Variants in ARHGAP6 observed in about 807,000 individuals in gnomAD.
ARHGAP6 encodes the protein Rho GTPase activating protein 6.
Under a neutral mutation model 55.7 loss-of-function variants are expected in ARHGAP6, and 16 were observed. The observed-to-expected ratio is 0.29, with a 90% CI of 0.19 to 0.44. The LOEUF is 0.44. Among genes scored for constraint, ARHGAP6 ranks in the 20% least tolerant of loss-of-function variants. The pLI is 1.00. For synonymous variants in ARHGAP6, 382 were observed against 360.9 expected (o/e 1.06, Z -0.66); for missense variants, 698 against 808.9 (o/e 0.86, Z 1.66).
intron 1 of ARHGAP6, chrX:11,300,639 A>G: frequency 8.4e-7 from 1 of 1,188,426 alleles, no homozygotes; most frequent in Non-Finnish European, 1.1e-6. Flanking sequence ...AGGGGAATGA[A>G]TACTTCAGAT....
intron 1 of ARHGAP6, among the ~76,000 whole-genome samples, chrX:11,277,171 G>A (rs1191106033): frequency 2.7e-5 from 3 of 111,691 alleles, no homozygotes; most frequent in African/African-American, 9.7e-5. Flanking sequence ...CACTTAGCAT[G>A]TTTTTGGAGT....
intron 5 of ARHGAP6, among the ~76,000 whole-genome samples, chrX:11,182,627 CCTTTT>C (rs2046329372): frequency 9.6e-6 from 1 of 104,146 alleles, no homozygotes; most frequent in Admixed American, 1.0e-4. Context: ...TCTTTTTTTT[CCTTTT>C]TTCTTTTTTT....
chrX:11,276,858 A>T (rs1353198150), intron 1 of ARHGAP6, among the ~76,000 whole-genome samples: 1 of 112,379 alleles, frequency 8.9e-6, no homozygotes, highest in Non-Finnish European at 1.9e-5. Context: ...AATAAATTAT[A>T]GTAAAATAAT....
At chrX:11,536,244 T>A (rs907052937) in intron 1 of ARHGAP6, among the ~76,000 whole-genome samples, 81 of 111,762 alleles carry the variant, frequency 7.2e-4, no homozygotes, top group Non-Finnish European at 3.4e-4. Context: ...AAGCTTTCTC[T>A]TGACTAGGGA....
At chrX:11,408,900 C>A (rs1337187615) in intron 1 of ARHGAP6, among the ~76,000 whole-genome samples, 1 of 109,745 alleles carries the variant, frequency 9.1e-6, no homozygotes, top group East Asian at 2.9e-4. Flanking sequence ...ATCACACACA[C>A]ACACACATAC....
intron 1 of ARHGAP6, among the ~76,000 whole-genome samples, chrX:11,276,152 A>C (rs151041064): frequency 9.0e-6 from 1 of 111,002 alleles, no homozygotes; most frequent in East Asian, 2.9e-4. Context: ...AATGTCAGCT[A>C]TTTTTCCAGA....
chrX:11,337,215 CAATAT>C (rs922881631), intron 1 of ARHGAP6, among the ~76,000 whole-genome samples: 7 of 110,816 alleles, frequency 6.3e-5, no homozygotes, highest in Non-Finnish European at 1.3e-4. Context: ...ATATAATATA[CAATAT>C]AATATTCAAT....
chrX:11,267,467 C>T (rs896716771), intron 1 of ARHGAP6, among the ~76,000 whole-genome samples: 9 of 111,918 alleles, frequency 8.0e-5, no homozygotes, highest in African/African-American at 1.3e-4. Context: ...ATAAGTAATG[C>T]GGCTGTCATC....
At chrX:11,272,776 T>C (rs928842263) in intron 1 of ARHGAP6, among the ~76,000 whole-genome samples, 1 of 112,068 alleles carries the variant, frequency 8.9e-6, no homozygotes, top group Non-Finnish European at 1.9e-5. Context: ...AGCTCTGCCA[T>C]AGATGTGATG....
intron 2 of ARHGAP6, among the ~76,000 whole-genome samples, chrX:11,205,106 C>T (rs2046686720): frequency 9.0e-6 from 1 of 111,587 alleles, no homozygotes; most frequent in African/African-American, 3.3e-5. Flanking sequence ...CTTATTGACA[C>T]CCAGTGTTTT....
chrX:11,275,729 C>G (rs1051277536), intron 1 of ARHGAP6, among the ~76,000 whole-genome samples: 1 of 111,631 alleles, frequency 9.0e-6, no homozygotes, highest in East Asian at 2.8e-4. Context: ...TTGGGCTTCA[C>G]CAAGCCTCAC....
At chrX:11,538,899 A>G (rs2051129939) in intron 1 of ARHGAP6, among the ~76,000 whole-genome samples, 1 of 99,480 alleles carries the variant, frequency 1.0e-5, no homozygotes. Flanking sequence ...CCCAGGCTGG[A>G]GTGCAGCTGC....
chrX:11,522,419 A>G (rs1410481372), intron 1 of ARHGAP6, among the ~76,000 whole-genome samples: 16 of 111,452 alleles, frequency 1.4e-4, no homozygotes, highest in Non-Finnish European at 3.0e-4. Flanking sequence ...GACACAAAAA[A>G]CCCTTCAAAA....
chrX:11,211,554 G>C (rs2046802347), intron 2 of ARHGAP6, among the ~76,000 whole-genome samples: 1 of 96,777 alleles, frequency 1.0e-5, no homozygotes, highest in Non-Finnish European at 2.1e-5. Context: ...TGTTGTTGTT[G>C]TTGTTTTGAG....
At chrX:11,322,938 T>A (rs2048452018) in intron 1 of ARHGAP6, among the ~76,000 whole-genome samples, 1 of 112,479 alleles carries the variant, frequency 8.9e-6, no homozygotes, top group Admixed American at 9.4e-5. Flanking sequence ...TATTATATTT[T>A]GGATAAAGGA....
chrX:11,246,434 T>A (rs113581616), intron 2 of ARHGAP6, among the ~76,000 whole-genome samples: 2,899 of 111,749 alleles, frequency 0.026, 39 homozygotes, highest in Middle Eastern at 0.074. Flanking sequence ...AGGTGATCGA[T>A]GCTCTTTAGA....
At chrX:11,314,335 G>A (rs1448036500) in intron 1 of ARHGAP6, among the ~76,000 whole-genome samples, 2 of 111,866 alleles carry the variant, frequency 1.8e-5, no homozygotes, top group Admixed American at 9.5e-5. Flanking sequence ...GGACCAGCTG[G>A]AGTCCAGTCC....
intron 10 of ARHGAP6, among the ~76,000 whole-genome samples, chrX:11,151,678 C>G (rs2045780483): frequency 1.8e-5 from 2 of 112,088 alleles, no homozygotes; most frequent in Middle Eastern, 4.6e-3. Context: ...ATTAAGTTCC[C>G]AAATATCACT....
intron 1 of ARHGAP6, among the ~76,000 whole-genome samples, chrX:11,418,133 G>A (rs963582462): frequency 2.7e-5 from 3 of 111,908 alleles, no homozygotes; most frequent in Non-Finnish European, 5.6e-5. Flanking sequence ...TCTGGTCTGC[G>A]TCCTTTTGGA....
Sources: gnomAD v4.1 joint callset for allele counts (sites outside exome capture counted in the v4.1 genomes callset) on GRCh38, gnomAD v4.1.1 for gene constraint, MANE v1.5 for transcripts, NCBI Gene and HGNC (gene_info 2026-07-23, HGNC 2026-07-21) for gene names.